Variants in UNC5C observed in about 807,000 individuals in gnomAD.
UNC5C encodes the protein netrin receptor UNC5C.
In UNC5C, 47 loss-of-function variants were observed where a neutral mutation model predicts 99.8. That is an observed-to-expected ratio of 0.47 (90% CI 0.37 to 0.60). UNC5C has a LOEUF of 0.60. Among genes scored for constraint, UNC5C ranks in the 20% least tolerant of loss-of-function variants. The pLI, the probability that UNC5C is intolerant of heterozygous loss-of-function variation, is 0.00. For synonymous variants in UNC5C, 487 were observed against 452.2 expected (o/e 1.08, Z -0.98); for missense variants, 1,062 against 1,165.9 (o/e 0.91, Z 1.30).
At chr4:95,199,085 A>T (rs1430492311) in intron 12 of UNC5C, among the ~76,000 whole-genome samples, 1 of 152,104 alleles carries the variant, frequency 6.6e-6, no homozygotes, top group African/African-American at 2.4e-5. Flanking sequence ...ATTTTGGAAG[A>T]GCATGAGCGT....
At chr4:95,387,823 T>C (rs1745253222) in intron 1 of UNC5C, among the ~76,000 whole-genome samples, 1 of 152,200 alleles carries the variant, frequency 6.6e-6, no homozygotes, top group Admixed American at 6.5e-5. Flanking sequence ...CTGATTATTT[T>C]AAGCTGTTCA....
chr4:95,223,919 G>T (rs1377846328), intron 7 of UNC5C, among the ~76,000 whole-genome samples: 1 of 152,154 alleles, frequency 6.6e-6, no homozygotes, highest in Non-Finnish European at 1.5e-5. Flanking sequence ...TTGCAGGTAA[G>T]AGGCAAGGAA....
chr4:95,435,939 T>C (rs1746771762), intron 1 of UNC5C, among the ~76,000 whole-genome samples: 1 of 152,124 alleles, frequency 6.6e-6, no homozygotes, highest in Admixed American at 6.6e-5. Context: ...TTGTGATTTT[T>C]ATTTCCAATT....
intron 6 of UNC5C, 79 bp from the exon 7 acceptor site, chr4:95,242,672 C>CAACAA (rs1739370240): frequency 2.8e-6 from 4 of 1,408,056 alleles, no homozygotes; most frequent in African/African-American, 2.9e-5. Flanking sequence ...AAATATAATA[C>CAACAA]AACAAAACAA....
Position 95,183,006 on chromosome 4 carries a change from A to G in UNC5C, c.2342T>C (p.Phe781Ser), listed in dbSNP as rs747921696. The G allele has an allele frequency of 6.2e-7, 1 of 1,613,262 alleles. No individual in the cohort carries two copies. The highest frequency in any genetic ancestry group is 1.1e-5 in the South Asian group (1 of 90,982). The change falls in exon 14 of 16, where the codon TTC (phenylalanine) becomes TCC (serine). Residue 781 changes from phenylalanine to serine, a missense_variant. Phe to Ser is a radical substitution (Grantham distance 155). This residue lies in a region of UNC5C where 810 missense variants were observed against 854.5 expected (regional missense o/e 0.95). Transcript: ENST00000453304. ...GTTCAGGCTAAATCTTTCCAGAGTGAAGGTGCAGTGCAGGTTTCTTTGAGA... is the reference window on the plus strand; with the variant it reads ...GTTCAGGCTAAATCTTTCCAGAGTGGAGGTGCAGTGCAGGTTTCTTTGAGA... The part of the protein sequence containing the change: ...SGSQRNLHCT[F>S]TLERFSLNTV...
At chr4:95,458,313 AG>A (rs1747502189) in intron 1 of UNC5C, among the ~76,000 whole-genome samples, 1 of 152,044 alleles carries the variant, frequency 6.6e-6, no homozygotes, top group East Asian at 1.9e-4. Context: ...GGTTTGGAAG[AG>A]GTCTGTATCA....
chr4:95,278,407 T>C, intron 3 of UNC5C, 45 bp from the exon 4 acceptor site: 10 of 1,519,644 alleles, frequency 6.6e-6, no homozygotes, highest in Non-Finnish European at 9.1e-6. Flanking sequence ...TTAAACAACA[T>C]TTTCTCATTT....
intron 1 of UNC5C, among the ~76,000 whole-genome samples, chr4:95,495,303 G>T (rs571055217): frequency 6.6e-6 from 1 of 151,254 alleles, no homozygotes; most frequent in Non-Finnish European, 1.5e-5. Context: ...TCAGTTTTAA[G>T]ACAAATTGTA....
chr4:95,274,227 G>A (rs1740769610), intron 4 of UNC5C, among the ~76,000 whole-genome samples: 1 of 152,182 alleles, frequency 6.6e-6, no homozygotes, highest in Middle Eastern at 3.4e-3. Flanking sequence ...CCAGGTATTC[G>A]ATGTGGAAAC....
intron 1 of UNC5C, among the ~76,000 whole-genome samples, chr4:95,463,156 CTGA>C (rs1041068431): frequency 2.0e-5 from 3 of 152,124 alleles, no homozygotes; most frequent in Non-Finnish European, 4.4e-5. Context: ...AAAGAAAGGG[CTGA>C]TGAATATGGC....
At chr4:95,420,074 T>G (rs892450642) in intron 1 of UNC5C, among the ~76,000 whole-genome samples, 10 of 152,190 alleles carry the variant, frequency 6.6e-5, no homozygotes, top group African/African-American at 9.7e-5. Flanking sequence ...ATACCTATAA[T>G]CAGATGCGAA....
chr4:95,236,179 C>A (rs955176384), intron 7 of UNC5C, among the ~76,000 whole-genome samples: 2 of 152,098 alleles, frequency 1.3e-5, no homozygotes, highest in African/African-American at 4.8e-5. Flanking sequence ...GAACTGGAAC[C>A]AACCCAAATG....
intron 4 of UNC5C, among the ~76,000 whole-genome samples, chr4:95,253,702 C>T (rs1354768646): frequency 6.6e-6 from 1 of 152,170 alleles, no homozygotes; most frequent in Non-Finnish European, 1.5e-5. Context: ...GCCCAGGACT[C>T]CTCCAGCTTC....
intron 1 of UNC5C, among the ~76,000 whole-genome samples, chr4:95,464,945 A>G (rs1747727725): frequency 6.6e-6 from 1 of 152,208 alleles, no homozygotes; most frequent in Admixed American, 6.5e-5. Context: ...TCAAATGTTC[A>G]AATAAAATAC....
intron 1 of UNC5C, among the ~76,000 whole-genome samples, chr4:95,510,299 T>C (rs770944163): frequency 5.5e-4 from 83 of 152,032 alleles, no homozygotes; most frequent in Non-Finnish European, 8.4e-4. Context: ...AATATTTATC[T>C]TTCAAAGGCC....
chr4:95,460,156 C>A (rs1223885485), intron 1 of UNC5C, among the ~76,000 whole-genome samples: 2 of 147,154 alleles, frequency 1.4e-5, no homozygotes, highest in African/African-American at 2.5e-5. Context: ...TGGGTAACTG[C>A]ATTTTATGCT....
chr4:95,418,148 T>C (rs1355146221), intron 1 of UNC5C, among the ~76,000 whole-genome samples: 2 of 152,226 alleles, frequency 1.3e-5, no homozygotes, highest in African/African-American at 4.8e-5. Context: ...TTAGGGACAA[T>C]TCCTCCACTT....
chr4:95,439,602 T>A (rs1578164236), intron 1 of UNC5C, among the ~76,000 whole-genome samples: 2 of 152,302 alleles, frequency 1.3e-5, no homozygotes, highest in Non-Finnish European at 2.9e-5. Context: ...AAGTTGAATA[T>A]GTAATTGAAA....
At chr4:95,532,198 A>G (rs570373831) in intron 1 of UNC5C, among the ~76,000 whole-genome samples, 2 of 151,668 alleles carry the variant, frequency 1.3e-5, no homozygotes, top group South Asian at 4.2e-4. Flanking sequence ...GTCTGAAGTT[A>G]GAGATGGATC....
Sources: allele counts gnomAD v4.1 joint callset (sites outside exome capture counted in the v4.1 genomes callset), GRCh38; gene constraint gnomAD v4.1.1; regional missense constraint gnomAD v4.1.1; transcripts MANE v1.5; gene names NCBI Gene and HGNC (gene_info 2026-07-23, HGNC 2026-07-21).